Variants in DIP2C observed in about 807,000 individuals in gnomAD.
DIP2C encodes the protein disco-interacting protein 2 homolog C.
A neutral mutation model predicts 192.4 loss-of-function variants in DIP2C; 33 were observed. The ratio of observed to expected loss-of-function variants is 0.17; its 90% CI spans 0.13 to 0.23. The LOEUF is 0.23. Ranked by LOEUF, DIP2C falls within the 10% of genes least tolerant of loss-of-function variation. DIP2C has a pLI of 1.00. For synonymous variants in DIP2C, 979 were observed against 864.1 expected (o/e 1.13, Z -2.33); for missense variants, 1,537 against 2,110.1 (o/e 0.73, Z 5.32).
intron 29 of DIP2C, among the ~76,000 whole-genome samples, chr10:339,030 G>C (rs1055679263): frequency 6.6e-6 from 1 of 151,880 alleles, no homozygotes; most frequent in Non-Finnish European, 1.5e-5. Context: ...TGGGCACCCT[G>C]CGCGGCTGCC....
At chr10:329,074 T>C (rs1287138901) in intron 30 of DIP2C, among the ~76,000 whole-genome samples, 1 of 152,176 alleles carries the variant, frequency 6.6e-6, no homozygotes, top group African/African-American at 2.4e-5. Context: ...ACCTACCTTC[T>C]TAAACACCAG....
intron 23 of DIP2C, among the ~76,000 whole-genome samples, 168 bp downstream of exon 23, chr10:357,660 G>A (rs955575063): frequency 6.6e-6 from 1 of 152,042 alleles, no homozygotes; most frequent in East Asian, 1.9e-4. Context: ...ATCGGAGACT[G>A]TCGGGAAAGT....
chr10:649,990 T>C (rs1023092775), intron 1 of DIP2C: 12 of 634,810 alleles, frequency 1.9e-5, no homozygotes, highest in African/African-American at 1.8e-4. Context: ...GTGTTTGCCG[T>C]CCAAAGTTCA....
chr10:644,082 TAGA>T (rs1564297992), intron 1 of DIP2C, among the ~76,000 whole-genome samples: 1 of 152,222 alleles, frequency 6.6e-6, no homozygotes, highest in Admixed American at 6.5e-5. Context: ...TGAAACAATC[TAGA>T]AGGTCAGGAT....
At chr10:354,720 A>C (rs1318699809) in intron 24 of DIP2C, among the ~76,000 whole-genome samples, 1 of 151,968 alleles carries the variant, frequency 6.6e-6, no homozygotes, top group Non-Finnish European at 1.5e-5. Flanking sequence ...TGAGGAAATT[A>C]GGGGAGGGAG....
At chr10:650,380 A>G in intron 1 of DIP2C, 1 of 716,868 alleles carries the variant, frequency 1.4e-6, no homozygotes, top group Non-Finnish European at 2.6e-6. Context: ...ACGCCAGCCC[A>G]CGGCAGCCAC....
intron 31 of DIP2C, among the ~76,000 whole-genome samples, chr10:326,190 C>CA (rs1395746063): frequency 6.6e-6 from 1 of 151,998 alleles, no homozygotes; most frequent in African/African-American, 2.4e-5. Flanking sequence ...TACCCTGTCT[C>CA]AAAAAAGTAA....
intron 1 of DIP2C, among the ~76,000 whole-genome samples, chr10:604,063 A>ACCTCAT (rs960953785): frequency 1.5e-4 from 17 of 114,186 alleles, no homozygotes; most frequent in African/African-American, 4.8e-4. Context: ...TCTGGCCTCT[A>ACCTCAT]CCTCATCCTC....
intron 6 of DIP2C, among the ~76,000 whole-genome samples, chr10:417,893 AGGGCTCG>A (rs1397672225): frequency 2.8e-5 from 3 of 105,418 alleles, no homozygotes; most frequent in African/African-American, 4.0e-5. Flanking sequence ...TGCACCTGTC[AGGGCTCG>A]GATAGGCCTC....
intron 1 of DIP2C, among the ~76,000 whole-genome samples, chr10:531,403 C>G (rs1004019431): frequency 5.9e-5 from 9 of 152,206 alleles, no homozygotes; most frequent in Non-Finnish European, 1.2e-4. Context: ...ACCACATTTC[C>G]CAAAGTAGAC....
intron 1 of DIP2C, among the ~76,000 whole-genome samples, chr10:579,531 T>C (rs1439985463): frequency 6.6e-6 from 1 of 151,862 alleles, no homozygotes; most frequent in Admixed American, 6.5e-5. Flanking sequence ...CATACACACA[T>C]CCAGATCCAT....
intron 1 of DIP2C, among the ~76,000 whole-genome samples, chr10:555,057 AATC>A (rs565178678): frequency 1.2e-3 from 177 of 152,354 alleles, no homozygotes; most frequent in Non-Finnish European, 1.9e-3. Flanking sequence ...ATTTAAAAAA[AATC>A]ATGTTTATCA....
At chr10:514,750 G>C (rs749139019) in intron 1 of DIP2C, among the ~76,000 whole-genome samples, 5 of 151,782 alleles carry the variant, frequency 3.3e-5, no homozygotes, top group Non-Finnish European at 7.4e-5. Context: ...GAGGATGCCC[G>C]TATCAACGCC....
At chr10:480,748 G>A (rs1680026798) in intron 2 of DIP2C, among the ~76,000 whole-genome samples, 1 of 152,334 alleles carries the variant, frequency 6.6e-6, no homozygotes, top group Non-Finnish European at 1.5e-5. Context: ...TAAACGTACG[G>A]GATCAAACTG....
At chr10:381,134 T>C (rs935782717) in intron 17 of DIP2C, among the ~76,000 whole-genome samples, 6 of 152,208 alleles carry the variant, frequency 3.9e-5, no homozygotes, top group African/African-American at 1.4e-4. Flanking sequence ...CCTAAAGATT[T>C]TCACCACTGA....
intron 13 of DIP2C, among the ~76,000 whole-genome samples, chr10:389,733 T>C (rs1395709528): frequency 6.6e-6 from 1 of 152,224 alleles, no homozygotes; most frequent in Admixed American, 6.5e-5. Context: ...AGACCCCCAC[T>C]GGGAACTGCC....
intron 1 of DIP2C, among the ~76,000 whole-genome samples, chr10:647,258 C>T (rs183431504): frequency 6.6e-6 from 1 of 151,954 alleles, no homozygotes; most frequent in East Asian, 1.9e-4. Context: ...AGTCCACGTC[C>T]ACATTGGACG....
chr10:611,110 G>A (rs908895641), intron 1 of DIP2C, among the ~76,000 whole-genome samples: 1 of 152,122 alleles, frequency 6.6e-6, no homozygotes, highest in Non-Finnish European at 1.5e-5. Flanking sequence ...CATGAGGGAG[G>A]TTTCTAATGG....
intron 29 of DIP2C, among the ~76,000 whole-genome samples, chr10:337,630 G>A (rs1443264486): frequency 3.1e-5 from 4 of 127,362 alleles, no homozygotes; most frequent in Admixed American, 7.9e-5. Flanking sequence ...GTGTGTGTGC[G>A]CACGTGTGTT....
Sources: allele counts gnomAD v4.1 joint callset (sites outside exome capture counted in the v4.1 genomes callset), GRCh38; gene constraint gnomAD v4.1.1; transcripts MANE v1.5; gene names NCBI Gene and HGNC (gene_info 2026-07-23, HGNC 2026-07-21).